Variants in ZPLD1 observed in about 807,000 individuals in gnomAD.
ZPLD1 encodes zona pellucida like domain containing 1.
ZPLD1 carries 34 observed loss-of-function variants against 47.2 expected under a neutral mutation model. That is an observed-to-expected ratio of 0.72 (90% CI 0.55 to 0.96). The LOEUF (loss-of-function observed/expected upper bound fraction) is 0.96. ZPLD1 is among the 40% of genes least tolerant of loss of function. The pLI is 0.00. For missense variants in ZPLD1, 512 were observed against 505.8 expected (o/e 1.01, Z -0.12); for synonymous variants, 176 against 186.2 (o/e 0.95, Z 0.45).
At chr3:102,469,172 T>C (rs772199901) in intron 9 of ZPLD1, 37 bp downstream of exon 9, 7 of 1,592,596 alleles carry the variant, frequency 4.4e-6, no homozygotes, top group Non-Finnish European at 6.0e-6. Flanking sequence ...AGTTGTTGAA[T>C]TGATCTAAGC....
chr3:102,410,275 G>T (rs965461192), intron 7 of ZPLD1, among the ~76,000 whole-genome samples: 1 of 151,682 alleles, frequency 6.6e-6, no homozygotes, highest in Non-Finnish European at 1.5e-5. Context: ...TTTACTTTTT[G>T]TATTCAGATA....
rs1707798280 is a variant in ZPLD1 at position 102,478,831 on chromosome 3, CAATTT to C, written c.*1217_*1221del. On this transcript the variant is annotated 3_prime_UTR_variant, in exon 12 of 12. Transcript: ENST00000466937. The stretch of plus-strand genomic sequence containing the variant: ...CTACCTATGCACTGAACAAACAAAA[CAATTT>C]AATAGCCAACACCAAAACCCAGCAT... 6.6e-6 allele frequency: 1 copy of C among 152,158 alleles called. No homozygotes were observed. The highest frequency in any genetic ancestry group is 2.4e-5 in the African/African-American group (1 of 41,444). The allele number at this position is 152,158 out of a possible 1,614,324, so 9.4% of individuals were successfully genotyped here. A position where few individuals can be genotyped will look rare whatever the true frequency, so the allele number is the denominator to read the frequency against.
chr3:102,425,522 AC>A (rs1172472413), intron 8 of ZPLD1, among the ~76,000 whole-genome samples: 1 of 152,012 alleles, frequency 6.6e-6, no homozygotes, highest in African/African-American at 2.4e-5. Context: ...CACTAAAGCA[AC>A]TTTTCTTTTG....
intron 1 of ZPLD1, among the ~76,000 whole-genome samples, chr3:102,435,637 ATTTTTTT>A (rs60085952): frequency 8.5e-6 from 1 of 117,382 alleles, no homozygotes; most frequent in Non-Finnish European, 1.7e-5. Flanking sequence ...CATCATCTTG[ATTTTTTT>A]TTTTTTTTTT....
At chr3:102,458,978 T>TA (rs1183275180) in intron 6 of ZPLD1, among the ~76,000 whole-genome samples, 1 of 150,464 alleles carries the variant, frequency 6.6e-6, no homozygotes, top group Non-Finnish European at 1.5e-5. Flanking sequence ...TAGTCCCAGC[T>TA]ACTCGGGAGG....
At chr3:102,442,923 A>G (rs902425478) in intron 3 of ZPLD1, among the ~76,000 whole-genome samples, 2 of 152,206 alleles carry the variant, frequency 1.3e-5, no homozygotes, top group African/African-American at 4.8e-5. Flanking sequence ...ATGAACCACT[A>G]AAATTACAGT....
Position 102,436,951 on chromosome 3 carries a change from G to A in ZPLD1, c.-31G>A. The A allele has an allele frequency of 2.0e-6, 2 of 985,114 alleles. No individual in the cohort carries two copies. Among genetic ancestry groups the A allele is most frequent in the Non-Finnish European group, 2.4e-6 (2 of 829,626 alleles). 61.0% of individuals were successfully genotyped at this position (985,114 alleles called of 1,614,324 possible). ...GGACCCATCATGAGAAGGAAGTGGT[G>A]GAGCATGGAGCATGGAATAAATGTG... On this transcript the variant is annotated 5_prime_UTR_variant, in exon 2 of 12. An upstream open reading frame in the 5' UTR gains an earlier in-frame stop. Transcript: ENST00000466937.
At chr3:102,476,043 T>C (rs1055956169) in intron 10 of ZPLD1, among the ~76,000 whole-genome samples, 1 of 152,144 alleles carries the variant, frequency 6.6e-6, no homozygotes, top group East Asian at 1.9e-4. Flanking sequence ...CTGTGACAGA[T>C]GGAAATTTCT....
chr3:102,410,898 A>G (rs79186378), intron 7 of ZPLD1, among the ~76,000 whole-genome samples: 6,312 of 151,960 alleles, frequency 0.042, 248 homozygotes, highest in African/African-American at 0.11. Context: ...GATTTGTGTC[A>G]TGCTTCAAAA....
chr3:102,389,998 G>C (rs1193705801), intron 6 of ZPLD1, among the ~76,000 whole-genome samples: 1 of 152,140 alleles, frequency 6.6e-6, no homozygotes, highest in Non-Finnish European at 1.5e-5. Context: ...ACTGGAGGAA[G>C]ACCTTTGAAG....
chr3:102,429,944 C>A (rs533722936), intron 8 of ZPLD1, among the ~76,000 whole-genome samples: 4 of 152,182 alleles, frequency 2.6e-5, no homozygotes, highest in Non-Finnish European at 5.9e-5. Flanking sequence ...CGTACTCACT[C>A]TGCACCTAGA....
chr3:102,463,104 T>G (rs1235996018), intron 7 of ZPLD1, among the ~76,000 whole-genome samples: 1 of 152,214 alleles, frequency 6.6e-6, no homozygotes, highest in Non-Finnish European at 1.5e-5. Flanking sequence ...TGCAGGAGTT[T>G]TTTCCATTTC....
chr3:102,458,487 A>G (rs547845050), intron 6 of ZPLD1, among the ~76,000 whole-genome samples: 1 of 152,330 alleles, frequency 6.6e-6, no homozygotes, highest in East Asian at 1.9e-4. Context: ...CATACATTTT[A>G]AATGCCTGAT....
chr3:102,431,735 C>G (rs1483430063), upstream of ZPLD1, among the ~76,000 whole-genome samples: 1 of 152,098 alleles, frequency 6.6e-6, no homozygotes, highest in East Asian at 1.9e-4. Flanking sequence ...ATGGTGAAAC[C>G]CCGTCTCTAT....
intron 8 of ZPLD1, among the ~76,000 whole-genome samples, chr3:102,424,764 GCTCT>G (rs997335528): frequency 5.4e-4 from 82 of 152,268 alleles, no homozygotes; most frequent in African/African-American, 1.8e-3. Flanking sequence ...CATACACAGT[GCTCT>G]CTAAGATGTT....
Position 102,456,294 on chromosome 3 carries a change from C to T in ZPLD1, c.429C>T (p.Ile143=), listed in dbSNP as rs1559757290. Residue 143 remains isoleucine, a synonymous_variant, in exon 5 of 12, where the codon ATC becomes ATT. Coordinates refer to ENST00000466937, the MANE Select transcript of ZPLD1 (RefSeq NM_001329788.2). ...YIDTPDPPTI[I]SYLPGLLYKF... ...ATACTCCAGACCCACCAACAATCAT[C>T]AGCTATCTACCTGGGCTTCTTTACA... The T allele has an allele frequency of 3.1e-6, 5 of 1,613,880 alleles. No individual in the cohort carries two copies. The highest frequency in any genetic ancestry group is 4.2e-6 in the Non-Finnish European group (5 of 1,179,868).
In ZPLD1 at chr3:102,414,663, A is replaced by G. The variant is rs537699384; in HGVS notation, c.-156-3397A>G. 7.0e-4 allele frequency among the ~76,000 whole-genome samples: 106 copies of G among 151,978 alleles called. 1 individual carries two copies. Among genetic ancestry groups the G allele is most frequent in the African/African-American group, 2.4e-3 (100 of 41,540 alleles). On this transcript the variant is annotated intron_variant, in intron 7 of 17. Transcript: ENST00000491959. ...GATCATGTGTAAATAAATAACTGCG[A>G]AGAAATTATAGTACAATAAATACTG...
chr3:102,443,675 A>G (rs1232852956), intron 3 of ZPLD1, among the ~76,000 whole-genome samples: 1 of 152,210 alleles, frequency 6.6e-6, no homozygotes, highest in Non-Finnish European at 1.5e-5. Context: ...CACAGGAGGT[A>G]AAATTGAGAA....
chr3:102,420,528 A>G (rs1363959564), intron 8 of ZPLD1, among the ~76,000 whole-genome samples: 1 of 152,022 alleles, frequency 6.6e-6, no homozygotes, highest in African/African-American at 2.4e-5. Flanking sequence ...CTGGGTTAAA[A>G]TAACATTTCA....
Sources: allele counts gnomAD v4.1 joint callset (sites outside exome capture counted in the v4.1 genomes callset), GRCh38; gene constraint gnomAD v4.1.1; transcripts MANE v1.5; gene names NCBI Gene and HGNC (gene_info 2026-07-23, HGNC 2026-07-21).